The following WDFY2 variants were observed in gnomAD, a reference collection of about 807,000 sequenced individuals.
WDFY2 encodes the protein WD repeat and FYVE domain-containing protein 2.
Under a neutral mutation model 56.4 loss-of-function variants are expected in WDFY2, and 36 were observed. The ratio of observed to expected loss-of-function variants is 0.64; its 90% confidence interval spans 0.49 to 0.84. WDFY2 has a LOEUF of 0.84. Among genes scored for constraint, WDFY2 ranks in the 40% least tolerant of loss-of-function variants. The pLI is 0.00. For synonymous variants in WDFY2, 176 were observed against 183.7 expected (o/e 0.96, Z 0.34); for missense variants, 444 against 512.2 (o/e 0.87, Z 1.29).
In WDFY2 at chr13:51,767,705, A is replaced by C. The variant is rs1158514583; in HGVS notation, c.*7936A>C. 1 of 150,192 alleles carries C rather than the reference A, an allele frequency of 6.7e-6. No homozygotes were observed. Among genetic ancestry groups the C allele is most frequent in the Non-Finnish European group, 1.4e-5 (1 of 70,160 alleles). 9.3% of individuals were successfully genotyped at this position (150,192 alleles called of 1,614,324 possible). A position where few individuals can be genotyped will look rare whatever the true frequency, so the allele number is the denominator to read the frequency against. ...AGGCCTCATTAAATTGTTTGTGTAA[A>C]TATGCATCGTCCCTTGGTTATGCTG... On this transcript the variant is annotated 3_prime_UTR_variant, in exon 12 of 12. Transcript: ENST00000298125.
intron 1 of WDFY2, among the ~76,000 whole-genome samples, chr13:51,616,814 A>C (rs1954626363): frequency 6.6e-6 from 1 of 152,230 alleles, no homozygotes; most frequent in Non-Finnish European, 1.5e-5. Flanking sequence ...GTACTATGAG[A>C]TGAGTTACCA....
In WDFY2 at chr13:51,584,648, C is replaced by T. The variant is rs541144338; in HGVS notation, c.-40C>T. 6.9e-6 allele frequency: 11 copies of T among 1,591,226 alleles called. No homozygotes were observed. In the South Asian group the frequency reaches 1.2e-4, roughly 18 times the overall value. The stretch of plus-strand genomic sequence containing the variant: ...CAGTCTCCTCAGCCCGGCCCCGCGG[C>T]GCGGTTGGCGGCGGCGCCCCAGGCG... On this transcript the variant is annotated 5_prime_UTR_variant, in exon 1 of 12. Coordinates refer to ENST00000298125, the MANE Select transcript of WDFY2 (RefSeq NM_052950.4).
chr13:51,739,344 T>C (rs1353011865), intron 7 of WDFY2, among the ~76,000 whole-genome samples, 169 bp downstream of exon 7: 1 of 152,214 alleles, frequency 6.6e-6, no homozygotes, highest in Non-Finnish European at 1.5e-5. Context: ...TGTGTTTATA[T>C]ACTTATACCC....
intron 5 of WDFY2, among the ~76,000 whole-genome samples, chr13:51,726,117 CTAAATA>C (rs1404138378): frequency 1.3e-5 from 2 of 152,236 alleles, no homozygotes; most frequent in Admixed American, 6.5e-5. Context: ...GCTTCCCTTT[CTAAATA>C]TGAGTGCATA....
chr13:51,759,923 AC>A lies in WDFY2; in HGVS notation c.*156del. 1 of 728,836 alleles carries A rather than the reference AC, an allele frequency of 1.4e-6. No homozygotes were observed. The highest frequency in any genetic ancestry group is 2.3e-6 in the Non-Finnish European group (1 of 442,644). 45.1% of individuals were successfully genotyped at this position (728,836 alleles called of 1,614,324 possible). On this transcript the variant is annotated 3_prime_UTR_variant, in exon 12 of 12. Coordinates refer to ENST00000298125, the MANE Select transcript of WDFY2 (RefSeq NM_052950.4). The stretch of plus-strand genomic sequence containing the variant: ...CAGATTACCCATGTGCACAGTGGGG[AC>A]CTGGCCAGTGAGCACTCGCAAGGGG...
At position 51,755,370 on chromosome 13, in the gene WDFY2, T is replaced by C. The variant is rs764778080; in HGVS notation, c.844T>C (p.Leu282=). 41 of 1,614,152 alleles carry C rather than the reference T, an allele frequency of 2.5e-5. No homozygotes were observed. The highest frequency in any genetic ancestry group is 4.5e-5 in the East Asian group (2 of 44,886). The part of the protein sequence containing the change: ...DVERQETPEW[L]DSDSCQKCDQ... The stretch of plus-strand genomic sequence containing the variant: ...TTTATTTGACAAGACCCCTGAATGG[T>C]TGGACAGTGATTCCTGCCAAAAGTG... The change falls in exon 9 of 12, where the codon TTG becomes CTG. Residue 282 remains leucine (L), a synonymous_variant. Coordinates refer to ENST00000298125, the MANE Select transcript of WDFY2 (RefSeq NM_052950.4).
chr13:51,660,735 T>C, intron 2 of WDFY2, 72 bp downstream of exon 2: 1 of 1,364,254 alleles, frequency 7.3e-7, no homozygotes, highest in Non-Finnish European at 1.0e-6. Context: ...TATTTTCTTC[T>C]TAAGTAGAGA....
intron 4 of WDFY2, among the ~76,000 whole-genome samples, chr13:51,708,921 G>A (rs903578229): frequency 4.6e-5 from 7 of 152,118 alleles, no homozygotes; most frequent in African/African-American, 1.7e-4. Flanking sequence ...GGATAAAGAA[G>A]GTATCATGAG....
intron 2 of WDFY2, 144 bp from the exon 3 acceptor site, chr13:51,675,026 T>G: frequency 3.0e-6 from 2 of 666,152 alleles, no homozygotes; most frequent in Non-Finnish European, 5.2e-6. Flanking sequence ...ACTGTTTTTA[T>G]TTTTTGGTGA....
chr13:51,668,507 G>T (rs1338922642), intron 2 of WDFY2, among the ~76,000 whole-genome samples: 1 of 152,130 alleles, frequency 6.6e-6, no homozygotes, highest in African/African-American at 2.4e-5. Flanking sequence ...CTAAATATAG[G>T]TATGCTTAAT....
At chr13:51,666,654 A>C (rs567835665) in intron 2 of WDFY2, among the ~76,000 whole-genome samples, 1 of 152,328 alleles carries the variant, frequency 6.6e-6, no homozygotes, top group African/African-American at 2.4e-5. Context: ...GGATAATGTG[A>C]AACATGAAAC....
chr13:51,712,106 A>T (rs1952233057), intron 4 of WDFY2, among the ~76,000 whole-genome samples: 1 of 152,240 alleles, frequency 6.6e-6, no homozygotes, highest in African/African-American at 2.4e-5. Context: ...ACCATGGAAT[A>T]CTATGCAGCC....
chr13:51,694,418 T>G (rs1293541720), intron 3 of WDFY2, among the ~76,000 whole-genome samples: 22 of 152,138 alleles, frequency 1.4e-4, no homozygotes, highest in South Asian at 6.2e-4. Flanking sequence ...GTCTGTAAAG[T>G]ATTTTATTTC....
At chr13:51,632,340 CTGTT>C (rs1364071598) in intron 1 of WDFY2, among the ~76,000 whole-genome samples, 1 of 151,874 alleles carries the variant, frequency 6.6e-6, no homozygotes, top group African/African-American at 2.4e-5. Context: ...ATTTTGAGTT[CTGTT>C]TTTTTTCCCA....
At chr13:51,661,277 C>A (rs1566087942) in intron 2 of WDFY2, among the ~76,000 whole-genome samples, 1 of 152,058 alleles carries the variant, frequency 6.6e-6, no homozygotes, top group Non-Finnish European at 1.5e-5. Flanking sequence ...GACCTGGCCC[C>A]CCAAAATAGG....
intron 7 of WDFY2, among the ~76,000 whole-genome samples, chr13:51,740,153 A>G (rs1952935582): frequency 6.6e-6 from 1 of 152,246 alleles, no homozygotes; most frequent in African/African-American, 2.4e-5. Flanking sequence ...GTTGTTGGAC[A>G]TAAACTAATT....
At chr13:51,619,015 A>G (rs1342017247) in intron 1 of WDFY2, among the ~76,000 whole-genome samples, 5 of 152,324 alleles carry the variant, frequency 3.3e-5, no homozygotes, top group East Asian at 1.9e-4. Context: ...TGAAAATGCT[A>G]TTACTCTAAT....
intron 1 of WDFY2, chr13:51,586,613 A>G (rs1593840941): frequency 6.6e-6 from 1 of 152,316 alleles, no homozygotes; most frequent in African/African-American, 2.4e-5. Context: ...TGAAGGAAAC[A>G]GCTTTACTGG....
intron 1 of WDFY2, among the ~76,000 whole-genome samples, chr13:51,651,585 G>A (rs1230455240): frequency 1.3e-5 from 2 of 152,112 alleles, no homozygotes; most frequent in African/African-American, 4.8e-5. Flanking sequence ...ACACTGCTTT[G>A]AATGTGTCCC....
Sources: gnomAD v4.1 joint callset for allele counts (sites outside exome capture counted in the v4.1 genomes callset) on GRCh38, gnomAD v4.1.1 for gene constraint, MANE v1.5 for transcripts, NCBI Gene and HGNC (gene_info 2026-07-23, HGNC 2026-07-21) for gene names.